The following RBM20 variants were observed in gnomAD, a reference collection of about 807,000 sequenced individuals.
RBM20 encodes RNA-binding protein 20.
In RBM20, 51 loss-of-function variants were observed where a neutral mutation model predicts 110.1. The ratio of observed to expected loss-of-function variants is 0.46; its 90% CI spans 0.37 to 0.59. The LOEUF is 0.59. RBM20 is among the 20% of genes least tolerant of loss of function. RBM20 has a pLI of 0.00. For missense variants in RBM20, 1,512 were observed against 1,574.9 expected (o/e 0.96, Z 0.68); for synonymous variants, 589 against 618.2 (o/e 0.95, Z 0.70).
intron 1 of RBM20, among the ~76,000 whole-genome samples, chr10:110,685,960 G>A (rs974476692): frequency 1.3e-5 from 2 of 152,208 alleles, no homozygotes; most frequent in African/African-American, 4.8e-5. Context: ...ATCCTCACAG[G>A]TATTTAACGT....
At position 110,805,327 on chromosome 10, in the gene RBM20, G is replaced by T. The variant is rs11195333; in HGVS notation, c.1801-5056G>T. On this transcript the variant is annotated intron_variant, in intron 7 of 13. Transcript: ENST00000369519. ...GAGACAGAGCTTCCAGGCAGGAGTC[G>T]GGTGAGTGATGATGTCGAGCCTAGA... 1.2e-4 allele frequency among the ~76,000 whole-genome samples: 19 copies of T among 152,258 alleles called. No individual in the cohort carries two copies. The South Asian group carries it at 2.3e-3, about 18-fold the overall frequency.
chr10:110,818,293 A>AAAG (rs1844865942), intron 9 of RBM20, among the ~76,000 whole-genome samples: 1 of 149,464 alleles, frequency 6.7e-6, no homozygotes, highest in South Asian at 2.1e-4. Flanking sequence ...CTCCATCTCA[A>AAAG]AAAAAAAAAA....
intron 1 of RBM20, among the ~76,000 whole-genome samples, chr10:110,742,470 C>A (rs1826566490): frequency 2.0e-5 from 3 of 152,174 alleles, no homozygotes; most frequent in Admixed American, 2.0e-4. Context: ...GCAACATGGA[C>A]CCCTGGACCT....
Position 110,827,192 on chromosome 10 carries a change from G to T in RBM20, c.3451+3578G>T, listed in dbSNP as rs10885053. Among the ~76,000 whole-genome samples the T allele has an allele frequency of 1.3e-5, 2 of 151,966 alleles. 1 individual carries two copies. The highest frequency in any genetic ancestry group is 4.2e-4 in the South Asian group (2 of 4,814). On this transcript the variant is annotated intron_variant, in intron 12 of 13. Transcript: ENST00000369519. ...AGGATTTCTCAGCCTGGGCAACATA[G>T]GGAGACCCTGTCTCTGCAAAAAAAT...
chr10:110,801,349 C>T (rs1397754389), intron 7 of RBM20, among the ~76,000 whole-genome samples: 1 of 151,854 alleles, frequency 6.6e-6, no homozygotes, highest in Non-Finnish European at 1.5e-5. Flanking sequence ...ATCGCTTTAA[C>T]CTGGGAGGCA....
At chr10:110,823,893 ATT>A (rs1338701346) in intron 12 of RBM20, among the ~76,000 whole-genome samples, 5 of 138,752 alleles carry the variant, frequency 3.6e-5, no homozygotes, top group Non-Finnish European at 4.7e-5. Flanking sequence ...AATTTTTTTA[ATT>A]TTTTTTTTTT....
At chr10:110,653,469 T>A (rs1861979080) in intron 1 of RBM20, among the ~76,000 whole-genome samples, 1 of 152,168 alleles carries the variant, frequency 6.6e-6, no homozygotes, top group Non-Finnish European at 1.5e-5. Flanking sequence ...TCTTATTTAA[T>A]TTTTTTCTAA....
intron 5 of RBM20, among the ~76,000 whole-genome samples, chr10:110,791,152 AC>A (rs1347078867): frequency 6.6e-6 from 1 of 152,266 alleles, no homozygotes; most frequent in African/African-American, 2.4e-5. Flanking sequence ...GGAATTTGCA[AC>A]CATTTGCTAT....
chr10:110,770,217 A>C (rs1335957199), intron 1 of RBM20, among the ~76,000 whole-genome samples: 1 of 152,072 alleles, frequency 6.6e-6, no homozygotes, highest in East Asian at 1.9e-4. Flanking sequence ...GTGTTTTAGG[A>C]AGTTCTCCTC....
chr10:110,755,714 G>C (rs1465547035), intron 1 of RBM20, among the ~76,000 whole-genome samples: 2 of 152,216 alleles, frequency 1.3e-5, no homozygotes, highest in African/African-American at 4.8e-5. Flanking sequence ...GAAAAGGTGA[G>C]AGACTTTTAC....
rs1361957028 is a variant in RBM20, at chr10:110,781,134, C to A, written c.525C>A (p.Ser175Arg). The A allele has an allele frequency of 6.4e-7, 1 of 1,551,618 alleles. No individual in the cohort carries two copies. Among genetic ancestry groups the A allele is most frequent in the South Asian group, 1.2e-5 (1 of 84,064 alleles). ...ATGCAATTGCCTTTTCACCCCCCAG[C>A]CAGACACGAGGCCCCGGACCCTCCA... ...PSNAIAFSPP[S>R]QTRGPGPSMN... The change falls in exon 2 of 14, where the codon AGC (serine) becomes AGA (arginine). Residue 175 changes from serine to arginine, a missense_variant. Physicochemically the swap from Ser to Arg is moderately radical, Grantham distance 110 (BLOSUM62 -1). This residue lies in a region of RBM20 where 1,149 missense variants were observed against 1,169.4 expected (regional missense o/e 0.98). Coordinates refer to ENST00000369519, the MANE Select transcript of RBM20 (RefSeq NM_001134363.3).
At chr10:110,705,511 A>T (rs1262277547) in intron 1 of RBM20, among the ~76,000 whole-genome samples, 1 of 152,254 alleles carries the variant, frequency 6.6e-6, no homozygotes, top group Non-Finnish European at 1.5e-5. Flanking sequence ...TGGAAATGGA[A>T]TTGAAAATGA....
At chr10:110,658,284 G>A (rs996746427) in intron 1 of RBM20, among the ~76,000 whole-genome samples, 4 of 152,200 alleles carry the variant, frequency 2.6e-5, no homozygotes, top group Non-Finnish European at 4.4e-5. Context: ...CACCTGTGAG[G>A]GTAATTTGAC....
In RBM20 at chr10:110,821,901, C is replaced by T; in HGVS notation, c.3282C>T (p.Leu1094=). Residue 1094 remains leucine, a synonymous_variant, in exon 11 of 14, where the codon CTC becomes CTT. Coordinates refer to ENST00000369519, the MANE Select transcript of RBM20 (RefSeq NM_001134363.3). ...EKASPPIETD[L]QNQACQEVLT... ...CCAGCCCCCCCATCGAAACTGACCTCCAAAACCAAGCTTGCCAAGAAGTGT... is the reference window on the plus strand; with the variant it reads ...CCAGCCCCCCCATCGAAACTGACCTTCAAAACCAAGCTTGCCAAGAAGTGT... The T allele has an allele frequency of 6.4e-7, 1 of 1,551,732 alleles. No homozygotes were observed. Among genetic ancestry groups the T allele is most frequent in the Non-Finnish European group, 8.7e-7 (1 of 1,147,010 alleles).
chr10:110,771,872 G>A (rs1237243337), intron 1 of RBM20, among the ~76,000 whole-genome samples: 1 of 152,210 alleles, frequency 6.6e-6, no homozygotes, highest in Non-Finnish European at 1.5e-5. Flanking sequence ...TTCTTTGTGT[G>A]TATAAACATT....
At chr10:110,690,341 G>A (rs1417501357) in intron 1 of RBM20, among the ~76,000 whole-genome samples, 1 of 152,140 alleles carries the variant, frequency 6.6e-6, no homozygotes, top group Non-Finnish European at 1.5e-5. Context: ...AGGAATTTGA[G>A]GTTGCAGTGA....
chr10:110,736,819 A>G (rs1329606866), intron 1 of RBM20, among the ~76,000 whole-genome samples: 1 of 152,100 alleles, frequency 6.6e-6, no homozygotes, highest in Non-Finnish European at 1.5e-5. Flanking sequence ...TGGTGGTATT[A>G]AGAGGTGGAG....
At chr10:110,768,350 C>A (rs997996009) in intron 1 of RBM20, among the ~76,000 whole-genome samples, 8 of 152,146 alleles carry the variant, frequency 5.3e-5, no homozygotes, top group African/African-American at 7.2e-5. Flanking sequence ...CTGCCTTGGG[C>A]GACATCTGTG....
intron 1 of RBM20, among the ~76,000 whole-genome samples, chr10:110,779,589 C>T (rs751601479): frequency 1.3e-5 from 2 of 152,190 alleles, no homozygotes; most frequent in Non-Finnish European, 2.9e-5. Context: ...CAACCTGGGG[C>T]TTGTGATTGA....
Sources: gnomAD v4.1 joint callset for allele counts (sites outside exome capture counted in the v4.1 genomes callset) on GRCh38, gnomAD v4.1.1 for gene constraint, gnomAD v4.1.1 regional missense constraint, MANE v1.5 for transcripts, NCBI Gene and HGNC (gene_info 2026-07-23, HGNC 2026-07-21) for gene names.